Variants in SHISA9 observed in about 807,000 individuals in gnomAD.
SHISA9 encodes the protein shisa family member 9.
A neutral mutation model predicts 38.0 loss-of-function variants in SHISA9; 13 were observed. The observed-to-expected ratio is 0.34, with a 90% confidence interval of 0.22 to 0.54. The LOEUF is 0.54. Ranked by LOEUF, SHISA9 falls within the 20% of genes least tolerant of loss-of-function variation. SHISA9 has a pLI of 0.91. For synonymous variants in SHISA9, 275 were observed against 242.0 expected (o/e 1.14, Z -1.27); for missense variants, 538 against 575.8 (o/e 0.93, Z 0.67).
chr16:13,541,312 G>T, the SHISA9 span, among the ~76,000 whole-genome samples: 9 of 152,282 alleles, frequency 5.9e-5, no homozygotes, highest in Non-Finnish European at 1.3e-4. Flanking sequence ...AGTACATGAT[G>T]AGCTGGAGAA....
intron 2 of SHISA9, among the ~76,000 whole-genome samples, chr16:13,011,611 TC>T (rs759381450): frequency 5.9e-5 from 9 of 152,106 alleles, no homozygotes; most frequent in Non-Finnish European, 8.8e-5. Flanking sequence ...AAGCTCTGCC[TC>T]CCGGGTTCAT....
At chr16:13,416,228 G>A in the SHISA9 span, among the ~76,000 whole-genome samples, 2 of 152,150 alleles carry the variant, frequency 1.3e-5, no homozygotes, top group East Asian at 3.9e-4. Context: ...AACAGTAGTA[G>A]GTGACATTTA....
chr16:12,907,082 T>C (rs2071108151), intron 1 of SHISA9, among the ~76,000 whole-genome samples: 1 of 128,758 alleles, frequency 7.8e-6, no homozygotes, highest in Non-Finnish European at 1.6e-5. Context: ...TCCTCCTTTG[T>C]TTTTTCCTTC....
intron 3 of SHISA9, among the ~76,000 whole-genome samples, chr16:13,204,138 C>G (rs1267255159): frequency 1.4e-5 from 1 of 72,088 alleles, no homozygotes; most frequent in Non-Finnish European, 3.2e-5. Flanking sequence ...TACCTATTAT[C>G]TATCTATCTA....
At chr16:13,004,165 C>A (rs1379268251) in intron 2 of SHISA9, among the ~76,000 whole-genome samples, 2 of 152,140 alleles carry the variant, frequency 1.3e-5, no homozygotes, top group African/African-American at 4.8e-5. Flanking sequence ...CTTCTTTAAG[C>A]CTCCCTCAAA....
chr16:13,537,284 C>T, the SHISA9 span, among the ~76,000 whole-genome samples: 1 of 151,804 alleles, frequency 6.6e-6, no homozygotes, highest in East Asian at 1.9e-4. Flanking sequence ...AAAAATTTAC[C>T]GGGCATGGTG....
At chr16:13,315,026 G>A in the SHISA9 span, among the ~76,000 whole-genome samples, 1 of 152,120 alleles carries the variant, frequency 6.6e-6, no homozygotes. Flanking sequence ...CCACACAACA[G>A]GATCCCAGTC....
At chr16:13,119,563 A>G (rs1345552741) in intron 2 of SHISA9, among the ~76,000 whole-genome samples, 3 of 152,240 alleles carry the variant, frequency 2.0e-5, no homozygotes, top group Admixed American at 2.0e-4. Context: ...CAATCATTAT[A>G]ATCATTAACA....
At chr16:12,912,257 C>T (rs1274238743) in intron 1 of SHISA9, among the ~76,000 whole-genome samples, 2 of 152,328 alleles carry the variant, frequency 1.3e-5, no homozygotes, top group African/African-American at 2.4e-5. Context: ...ATTTCTGCCG[C>T]ACACTCTAGG....
chr16:13,241,856 A>G (rs146711798), downstream of SHISA9, among the ~76,000 whole-genome samples: 1 of 152,236 alleles, frequency 6.6e-6, no homozygotes, highest in Non-Finnish European at 1.5e-5. Context: ...TCTGGAACAC[A>G]CAGGATGCTC....
chr16:13,313,160 C>T, the SHISA9 span, among the ~76,000 whole-genome samples: 2 of 146,160 alleles, frequency 1.4e-5, no homozygotes, highest in Admixed American at 6.9e-5. Flanking sequence ...GAGGCTGAGG[C>T]AGGAGAATGG....
At chr16:13,165,337 A>G (rs932393804) in intron 2 of SHISA9, among the ~76,000 whole-genome samples, 1 of 152,182 alleles carries the variant, frequency 6.6e-6, no homozygotes, top group Non-Finnish European at 1.5e-5. Context: ...CAGTTTACTA[A>G]CATTTTCTCC....
intron 2 of SHISA9, among the ~76,000 whole-genome samples, chr16:12,931,612 A>G (rs1452586252): frequency 6.6e-6 from 1 of 152,220 alleles, no homozygotes; most frequent in Non-Finnish European, 1.5e-5. Context: ...CACAAAGGAC[A>G]TGATTTCATT....
chr16:13,242,104 G>A (rs936772402), downstream of SHISA9, among the ~76,000 whole-genome samples: 3 of 152,202 alleles, frequency 2.0e-5, no homozygotes, highest in Non-Finnish European at 4.4e-5. Context: ...TGCAAAAGGT[G>A]GGTACTATTA....
intron 2 of SHISA9, among the ~76,000 whole-genome samples, chr16:13,007,698 T>C (rs905063): frequency 0.25 from 38,430 of 152,140 alleles, 5,285 homozygotes; most frequent in Middle Eastern, 0.36. Flanking sequence ...ATCTGCTCAC[T>C]GTTCCTTCAG....
intron 2 of SHISA9, among the ~76,000 whole-genome samples, chr16:13,126,902 AG>A (rs1301066303): frequency 6.6e-5 from 3 of 45,340 alleles, no homozygotes; most frequent in African/African-American, 2.8e-4. Flanking sequence ...GACTGAAAGA[AG>A]GAGAGAGAGA....
At chr16:13,240,839 C>A (rs2051429751), downstream of SHISA9, among the ~76,000 whole-genome samples, 1 of 151,190 alleles carries the variant, frequency 6.6e-6, no homozygotes, top group Non-Finnish European at 1.5e-5. Flanking sequence ...TGTCTGGCCT[C>A]TGGTAGCATA....
chr16:13,385,471 A>G, the SHISA9 span, among the ~76,000 whole-genome samples: 1 of 150,828 alleles, frequency 6.6e-6, no homozygotes, highest in African/African-American at 2.4e-5. Flanking sequence ...AAGAAAAGGA[A>G]CAAACTGTGG....
intron 2 of SHISA9, among the ~76,000 whole-genome samples, chr16:13,059,481 G>T (rs756722767): frequency 6.6e-6 from 1 of 152,044 alleles, no homozygotes; most frequent in Non-Finnish European, 1.5e-5. Flanking sequence ...ATGTGGACAT[G>T]TGGGTGGGGG....
Sources: allele counts gnomAD v4.1 joint callset (sites outside exome capture counted in the v4.1 genomes callset), GRCh38; gene constraint gnomAD v4.1.1; transcripts MANE v1.5; gene names NCBI Gene and HGNC (gene_info 2026-07-23, HGNC 2026-07-21).